The following KLHL26 variants were observed in gnomAD, a reference collection of about 807,000 sequenced individuals.
KLHL26 encodes kelch-like protein 26.
KLHL26 carries 4 observed loss-of-function variants against 7.1 expected under a neutral mutation model. The observed-to-expected ratio is 0.56, with a 90% CI of 0.28 to 1.28. The LOEUF (loss-of-function observed/expected upper bound fraction) is 1.28, where lower values mean the gene tolerates loss of function less well. Ranked by LOEUF, KLHL26 falls within the 50% of genes most tolerant of loss-of-function variation. The probability of loss-of-function intolerance (pLI) is 0.11; values close to 1 mark genes in which losing one functional copy is unlikely to be tolerated. For missense variants in KLHL26, 896 were observed against 924.6 expected (o/e 0.97, Z 0.40); for synonymous variants, 465 against 414.1 (o/e 1.12, Z -1.49).
intron 2 of KLHL26, chr19:18,667,354 T>C: frequency 2.4e-6 from 1 of 421,032 alleles, no homozygotes; most frequent in South Asian, 2.3e-5. Context: ...TTTTGTTTGT[T>C]TGTTTGTTTG....
In KLHL26 at chr19:18,646,502, T is replaced by C. The variant is rs1976803788; in HGVS notation, c.83+9365T>C. ...TTCTCCTGGAAAATGTGGTCAGATA[T>C]GGCGGCATGAGGTGTCTCATCATAC... On this transcript the variant is annotated intron_variant, in intron 1 of 2. Coordinates refer to ENST00000300976, the MANE Select transcript of KLHL26 (RefSeq NM_018316.3). This position sits in a 1 kb window ranked among gnomAD's most constrained non-coding sequence, Gnocchi z 5.0. Among the ~76,000 whole-genome samples the C allele has an allele frequency of 6.6e-6, 1 of 152,210 alleles. No homozygotes were observed.
rs747321069 is a variant in KLHL26 at position 18,668,739 on chromosome 19, C to T, written c.1342C>T (p.Arg448Cys). 11 of 1,582,896 alleles carry T rather than the reference C, an allele frequency of 6.9e-6. No individual in the cohort carries two copies. Among genetic ancestry groups the T allele is most frequent in the Admixed American group, 5.3e-5 (3 of 57,040 alleles). The stretch of plus-strand genomic sequence containing the variant: ...GTGGGGCTACGCCTGCTCGCTGAAG[C>T]GCCGTACCTGGGGCCATGCTGGGGC... ...NEWGYACSLK[R>C]RTWGHAGAAS... The change falls in exon 3 of 3, where the codon CGC (arginine) becomes TGC (cysteine). Residue 448 changes from arginine (R) to cysteine (C), a missense_variant. Transcript: ENST00000300976.
chr19:18,659,190 G>C (rs1008750614), intron 1 of KLHL26, among the ~76,000 whole-genome samples: 1 of 152,090 alleles, frequency 6.6e-6, no homozygotes, highest in Non-Finnish European at 1.5e-5. Context: ...CTCCCTCTCC[G>C]AGTCTCTGTT....
At chr19:18,655,692 G>A (rs10411724) in intron 1 of KLHL26, among the ~76,000 whole-genome samples, 5,799 of 126,672 alleles carry the variant, frequency 0.046, 456 homozygotes, top group African/African-American at 0.17. Context: ...GAGGGGTGCT[G>A]TGGAGGCAGA....
chr19:18,668,282 C>G lies in KLHL26; in HGVS notation c.885C>G (p.His295Gln). The change falls in exon 3 of 3, where the codon CAC (histidine) becomes CAG (glutamine). Residue 295 changes from histidine (H) to glutamine (Q), a missense_variant. Physicochemically the swap from His to Gln is conservative, Grantham distance 24 (BLOSUM62 0). Coordinates refer to ENST00000300976, the MANE Select transcript of KLHL26 (RefSeq NM_018316.3). ...FNYQVLPFRQ[H>Q]EMQSPRTAVR... is the part of the protein sequence containing the mutation. ...ACCAGGTGCTGCCCTTCCGGCAGCA[C>G]GAGATGCAGTCTCCGCGCACCGCCG... The G allele has an allele frequency of 1.9e-6, 3 of 1,611,880 alleles. No individual in the cohort carries two copies. Among genetic ancestry groups the G allele is most frequent in the Non-Finnish European group, 1.7e-6 (2 of 1,179,854 alleles).
intron 1 of KLHL26, among the ~76,000 whole-genome samples, chr19:18,658,145 G>A (rs7253089): frequency 2.0e-4 from 30 of 152,184 alleles, no homozygotes; most frequent in Admixed American, 5.9e-4. Flanking sequence ...ACGCTGGGCC[G>A]CGGTGTTCCC....
intron 1 of KLHL26, 105 bp downstream of exon 1, chr19:18,637,242 C>T (rs973395812): frequency 4.4e-6 from 5 of 1,136,078 alleles, no homozygotes; most frequent in Non-Finnish European, 5.6e-6. Context: ...TGGCACGGCT[C>T]GAGGGTCTTT....
intron 2 of KLHL26, among the ~76,000 whole-genome samples, chr19:18,665,159 C>G (rs1271228408): frequency 6.6e-6 from 1 of 151,812 alleles, no homozygotes; most frequent in Admixed American, 6.6e-5. Context: ...CGGGTTCAAG[C>G]GATTCTCCTG....
chr19:18,667,108 T>G (rs1452605014), intron 2 of KLHL26, among the ~76,000 whole-genome samples: 1 of 152,062 alleles, frequency 6.6e-6, no homozygotes. Flanking sequence ...AGTTGCTATT[T>G]ATAGGAAGAT....
At chr19:18,654,501 C>G (rs898468317) in intron 1 of KLHL26, among the ~76,000 whole-genome samples, 1 of 151,586 alleles carries the variant, frequency 6.6e-6, no homozygotes. Flanking sequence ...ACCCATCCAC[C>G]AACCTACACA....
Position 18,650,335 on chromosome 19 carries a change from A to G in KLHL26, c.83+13198A>G, listed in dbSNP as rs1415863325. Among the ~76,000 whole-genome samples, 5 of 152,086 alleles carry G rather than the reference A, an allele frequency of 3.3e-5. No individual in the cohort carries two copies. The highest frequency in any genetic ancestry group is 7.4e-5 in the Non-Finnish European group (5 of 68,002). On this transcript the variant is annotated intron_variant, in intron 1 of 2. Transcript: ENST00000300976. This position sits in a 1 kb window ranked among gnomAD's most constrained non-coding sequence, Gnocchi z 4.2. Reference sequence around the variant, plus strand: ...GGGACATTTTCCCGGAGCGGGGTGGAAGGAGTGTCAAGGTGACTGTGAGAT... The same window carrying G: ...GGGACATTTTCCCGGAGCGGGGTGGGAGGAGTGTCAAGGTGACTGTGAGAT...
intron 1 of KLHL26, among the ~76,000 whole-genome samples, chr19:18,642,194 T>G (rs139982733): frequency 0.012 from 1,894 of 152,282 alleles, 21 homozygotes; most frequent in South Asian, 0.049. Flanking sequence ...CAGCCAGGCC[T>G]GGAGCACGAC....
At position 18,637,138 on chromosome 19, in the gene KLHL26, G is replaced by A; in HGVS notation, c.83+1G>A. 1 of 1,339,732 alleles carries A rather than the reference G, an allele frequency of 7.5e-7. No homozygotes were observed. The highest frequency in any genetic ancestry group is 2.0e-5 in the South Asian group (1 of 50,256). 83.0% of individuals were successfully genotyped at this position (1,339,732 alleles called of 1,614,324 possible). A position where few individuals can be genotyped will look rare whatever the true frequency, so the allele number is the denominator to read the frequency against. On this transcript the variant is annotated splice_donor_variant, in intron 1 of 2. Coordinates refer to ENST00000300976, the MANE Select transcript of KLHL26 (RefSeq NM_018316.3). LOFTEE classifies it high-confidence loss of function. ...GCCCGGGCCCCGAGCGCCCGAACAG[G>A]TGAGACCCGGCCCGCAGGATAGACC... is the stretch of plus-strand genomic sequence containing the variant.
intron 1 of KLHL26, among the ~76,000 whole-genome samples, chr19:18,662,479 A>G (rs185732215): frequency 3.6e-3 from 550 of 152,304 alleles, no homozygotes; most frequent in African/African-American, 0.012. Context: ...TCATTTACGC[A>G]GCATCCCTGC....
At position 18,668,630 on chromosome 19, in the gene KLHL26, G is replaced by C. The variant is rs77550040; in HGVS notation, c.1233G>C (p.Leu411=). ...GCATCCAGTTCCAGCTGAACGTGCT[G>C]TGCGGCATGGTGTACGCCACGGGCG... ...ESRIQFQLNV[L]CGMVYATGGR... Residue 411 remains leucine, a synonymous_variant, in exon 3 of 3, where the codon CTG becomes CTC. Coordinates refer to ENST00000300976, the MANE Select transcript of KLHL26 (RefSeq NM_018316.3). 1,907 of 1,580,180 alleles carry C rather than the reference G, an allele frequency of 1.2e-3. 23 individuals are homozygous for C. In the African/African-American group the frequency reaches 0.023, roughly 19 times the overall value.
Position 18,637,058 on chromosome 19 carries a change from G to T in KLHL26, c.4G>T (p.Ala2Ser). 1 of 1,372,052 alleles carries T rather than the reference G, an allele frequency of 7.3e-7. No homozygotes were observed. The allele number at this position is 1,372,052 out of a possible 1,614,324, so 85.0% of individuals were successfully genotyped here. M[A>S]ESGGSSGGAG... Reference sequence around the variant, plus strand: ...AACGCGCGACGGCGGGGGGAAGATGGCGGAGTCCGGCGGTAGCAGCGGTGG... The same window carrying T: ...AACGCGCGACGGCGGGGGGAAGATGTCGGAGTCCGGCGGTAGCAGCGGTGG... The change falls in exon 1 of 3, where the codon GCG (alanine) becomes TCG (serine). Residue 2 changes from alanine (A) to serine (S), a missense_variant. Transcript: ENST00000300976.
At position 18,648,439 on chromosome 19, in the gene KLHL26, G is replaced by A. The variant is rs140786527; in HGVS notation, c.83+11302G>A. Among the ~76,000 whole-genome samples, 245 of 152,282 alleles carry A rather than the reference G, an allele frequency of 1.6e-3. 1 individual carries two copies. Among genetic ancestry groups the A allele is most frequent in the Admixed American group, 5.2e-3 (80 of 15,300 alleles). ...GGATGGAGAGGCACACGCAGGCTTG[G>A]GGATGCCTGGAGGTTGAGCTTGTGC... is the stretch of plus-strand genomic sequence containing the variant. On this transcript the variant is annotated intron_variant, in intron 1 of 2. Coordinates refer to ENST00000300976, the MANE Select transcript of KLHL26 (RefSeq NM_018316.3). This position sits in a 1 kb window ranked among gnomAD's most constrained non-coding sequence, Gnocchi z 4.9.
At position 18,669,017 on chromosome 19, in the gene KLHL26, C is replaced by A; in HGVS notation, c.1620C>A (p.Thr540=). ...ATGTGCCGGAGACGGACCAGTGGAC[C>A]AGCGTGAGCCCCATGCGGGCCGGCC... ...EYYVPETDQW[T]SVSPMRAGQS... is the part of the protein sequence containing the mutation. The change falls in exon 3 of 3, where the codon ACC becomes ACA. Residue 540 remains threonine (T), a synonymous_variant. Coordinates refer to ENST00000300976, the MANE Select transcript of KLHL26 (RefSeq NM_018316.3). 6.2e-7 allele frequency: 1 copy of A among 1,612,750 alleles called. No homozygotes were observed. The highest frequency in any genetic ancestry group is 8.5e-7 in the Non-Finnish European group (1 of 1,179,946).
rs538422849 is a variant in KLHL26, at chr19:18,648,731, C to T, written c.83+11594C>T. Among the ~76,000 whole-genome samples the T allele has an allele frequency of 3.3e-5, 5 of 152,278 alleles. No homozygotes were observed. In the East Asian group the frequency reaches 9.6e-4, roughly 29 times the overall value. ...GGTCCCAGTCCTGGGAATGTCCCTC[C>T]TCCTGAGAGAAGGCCTCAGTCTGGC... On this transcript the variant is annotated intron_variant, in intron 1 of 2. Transcript: ENST00000300976. The surrounding 1 kb of genome is among the most constrained non-coding windows in gnomAD (Gnocchi z 4.9).
Sources: allele counts gnomAD v4.1 joint callset (sites outside exome capture counted in the v4.1 genomes callset), GRCh38; gene constraint gnomAD v4.1.1; non-coding constraint Gnocchi (gnomAD v3.1); transcripts MANE v1.5; gene names NCBI Gene and HGNC (gene_info 2026-07-23, HGNC 2026-07-21).